MPP7: variants seen among roughly 807,000 people sequenced by gnomAD.
MPP7 encodes the protein MAGUK p55 scaffold protein 7.
Under a neutral mutation model 76.5 loss-of-function variants are expected in MPP7, and 60 were observed. That is an observed-to-expected ratio of 0.78 (90% CI 0.64 to 0.97). The LOEUF (loss-of-function observed/expected upper bound fraction) is 0.97. Ranked by LOEUF, MPP7 falls within the 50% of genes least tolerant of loss-of-function variation. MPP7 has a pLI of 0.00. For synonymous variants in MPP7, 237 were observed against 244.5 expected (o/e 0.97, Z 0.29); for missense variants, 641 against 694.0 (o/e 0.92, Z 0.86).
intron 1 of MPP7, among the ~76,000 whole-genome samples, chr10:28,332,243 A>G (rs1232440713): frequency 1.7e-4 from 17 of 102,044 alleles, no homozygotes; most frequent in Non-Finnish European, 2.0e-4. Flanking sequence ...TGTCAAATGT[A>G]TGCGTGTGTG....
chr10:28,227,247 T>C (rs1024249229), intron 2 of MPP7, among the ~76,000 whole-genome samples: 107 of 152,242 alleles, frequency 7.0e-4, no homozygotes, highest in African/African-American at 2.5e-3. Flanking sequence ...GTTCACACAC[T>C]GCTTCTTGTT....
chr10:28,215,046 G>GAACAGAA (rs1838264048), intron 2 of MPP7, among the ~76,000 whole-genome samples: 2 of 151,836 alleles, frequency 1.3e-5, no homozygotes, highest in Admixed American at 1.3e-4. Flanking sequence ...TCTCACCCAG[G>GAACAGAA]AACAGAAAAC....
In MPP7 at chr10:28,120,199, C is replaced by A; in HGVS notation, c.882G>T (p.Gln294His). The A allele has an allele frequency of 6.2e-7, 1 of 1,612,508 alleles. No individual in the cohort carries two copies. The highest frequency in any genetic ancestry group is 8.5e-7 in the Non-Finnish European group (1 of 1,179,372). Residue 294 changes from glutamine (Q) to histidine (H), a missense_variant, in exon 10 of 17, where the codon CAG (glutamine) becomes CAT (histidine). By Grantham distance (24) the Gln-to-His change is conservative. Transcript: ENST00000683449. ...RAGLIPSKHF[Q>H]ERRLALRRPE... ...ATTATGTACCAGCAGCTCACCTTTC[C>A]TGGAAATGCTTTGAGGGGATCAAGC...
chr10:28,116,642 G>A (rs1477805811), intron 11 of MPP7, among the ~76,000 whole-genome samples: 1 of 151,966 alleles, frequency 6.6e-6, no homozygotes, highest in Non-Finnish European at 1.5e-5. Flanking sequence ...ATCTTTGTTC[G>A]GTAAGCAATT....
intron 12 of MPP7, among the ~76,000 whole-genome samples, chr10:28,073,138 C>T (rs1055346053): frequency 1.3e-5 from 2 of 152,198 alleles, no homozygotes; most frequent in African/African-American, 2.4e-5. Context: ...TTCGACTTTT[C>T]TCCAGGCTCC....
intron 7 of MPP7, among the ~76,000 whole-genome samples, chr10:28,124,417 T>G (rs1834943117): frequency 6.6e-6 from 1 of 151,176 alleles, no homozygotes; most frequent in South Asian, 2.1e-4. Context: ...TCTTAAAGGC[T>G]GCATGCTCTT....
chr10:28,262,253 A>ACATG (rs1840006722), intron 1 of MPP7, among the ~76,000 whole-genome samples: 1 of 54,704 alleles, frequency 1.8e-5, no homozygotes, highest in African/African-American at 1.0e-4. Context: ...ACATATATAT[A>ACATG]TATATGTATA....
intron 5 of MPP7, among the ~76,000 whole-genome samples, chr10:28,145,056 G>A (rs1457357404): frequency 6.6e-6 from 1 of 152,128 alleles, no homozygotes; most frequent in Non-Finnish European, 1.5e-5. Context: ...TGGGATTACA[G>A]GCACACACCA....
chr10:28,118,636 T>A, intron 11 of MPP7: 1 of 985,392 alleles, frequency 1.0e-6, no homozygotes, highest in Non-Finnish European at 1.2e-6. Flanking sequence ...AGAAGACTTG[T>A]AGCATTCTGT....
intron 11 of MPP7, among the ~76,000 whole-genome samples, chr10:28,095,937 C>T (rs772435995): frequency 6.6e-6 from 1 of 152,148 alleles, no homozygotes; most frequent in Admixed American, 6.5e-5. Flanking sequence ...AGGAACGGCA[C>T]GTTTAGTTTA....
intron 1 of MPP7, among the ~76,000 whole-genome samples, chr10:28,248,230 A>T (rs1175429454): frequency 6.6e-6 from 1 of 152,138 alleles, no homozygotes; most frequent in African/African-American, 2.4e-5. Context: ...TCTGATTAGG[A>T]GAACTTACTT....
intron 11 of MPP7, among the ~76,000 whole-genome samples, chr10:28,112,577 C>T (rs12412297): frequency 0.03 from 4,507 of 152,176 alleles, 130 homozygotes; most frequent in East Asian, 0.11. Flanking sequence ...ATTTTTATAT[C>T]ACTGATATAA....
At chr10:28,259,787 C>T (rs367880136) in intron 1 of MPP7, among the ~76,000 whole-genome samples, 5 of 151,798 alleles carry the variant, frequency 3.3e-5, no homozygotes, top group Non-Finnish European at 7.4e-5. Context: ...TAGGCCAGAG[C>T]GTGGGCAACA....
intron 1 of MPP7, among the ~76,000 whole-genome samples, chr10:28,333,888 G>A (rs1461396856): frequency 6.6e-6 from 1 of 152,144 alleles, no homozygotes; most frequent in Non-Finnish European, 1.5e-5. Context: ...GCTGCACAGT[G>A]GAGACATAAT....
At chr10:28,057,793 AT>A in intron 15 of MPP7, 2 of 1,287,054 alleles carry the variant, frequency 1.6e-6, no homozygotes, top group Non-Finnish European at 2.0e-6. Flanking sequence ...TCATTCTAGC[AT>A]TTGGAGGTTT....
intron 11 of MPP7, among the ~76,000 whole-genome samples, chr10:28,102,988 A>G (rs977790051): frequency 1.3e-5 from 2 of 152,170 alleles, no homozygotes; most frequent in Non-Finnish European, 2.9e-5. Context: ...TCCCACAAAC[A>G]TTCTATTATC....
intron 1 of MPP7, among the ~76,000 whole-genome samples, chr10:28,262,214 T>TATATAC (rs1839988568): frequency 3.3e-5 from 2 of 60,690 alleles, no homozygotes; most frequent in African/African-American, 7.9e-5. Context: ...TATACATATA[T>TATATAC]ATATATATAT....
chr10:28,091,248 C>T (rs1853284338), intron 11 of MPP7, among the ~76,000 whole-genome samples: 1 of 151,470 alleles, frequency 6.6e-6, no homozygotes, highest in African/African-American at 2.4e-5. Context: ...AATACATTCT[C>T]TTCAAAAAGA....
intron 1 of MPP7, chr10:28,254,785 T>G (rs1330645407): frequency 1.3e-5 from 2 of 151,724 alleles, no homozygotes; most frequent in Admixed American, 6.6e-5. Context: ...CGCAGTGGAG[T>G]GCTGGCTGTA....
Sources: gnomAD v4.1 joint callset for allele counts (sites outside exome capture counted in the v4.1 genomes callset) on GRCh38, gnomAD v4.1.1 for gene constraint, MANE v1.5 for transcripts, NCBI Gene and HGNC (gene_info 2026-07-23, HGNC 2026-07-21) for gene names.